The following RIMS2 variants were observed in gnomAD, a reference collection of about 807,000 sequenced individuals.
RIMS2 encodes regulating synaptic membrane exocytosis protein 2.
Under a neutral mutation model 174.4 loss-of-function variants are expected in RIMS2, and 59 were observed. The ratio of observed to expected loss-of-function variants is 0.34; its 90% CI spans 0.27 to 0.42. The LOEUF (loss-of-function observed/expected upper bound fraction) is 0.42, where lower values mean the gene tolerates loss of function less well. RIMS2 is among the 10% of genes least tolerant of loss of function. The pLI is 1.00. For missense variants in RIMS2, 1,620 were observed against 1,666.3 expected, an observed-to-expected ratio of 0.97 and a Z score of 0.48; for synonymous variants, 606 against 572.5, an observed-to-expected ratio of 1.06 and a Z score of -0.84.
intron 2 of RIMS2, among the ~76,000 whole-genome samples, chr8:103,719,293 A>T (rs2097416334): frequency 6.6e-6 from 1 of 152,176 alleles, no homozygotes; most frequent in Admixed American, 6.5e-5. Context: ...TTCCCTTCCC[A>T]AATTTGTTTC....
At position 104,193,850 on chromosome 8, in the gene RIMS2, T is replaced by C. The variant is rs142589211; in HGVS notation, c.3335-51066T>C. 1.6e-4 allele frequency among the ~76,000 whole-genome samples: 25 copies of C among 152,342 alleles called. No individual in the cohort carries two copies. The East Asian group carries it at 4.2e-3, about 26-fold the overall frequency. ...TTATTGGGGTTTCTATCTTTATCCT[T>C]TTGGTTTTCAAATATTTCTGATATT... is the stretch of plus-strand genomic sequence containing the variant. On this transcript the variant is annotated intron_variant, in intron 19 of 23. Coordinates refer to ENST00000504942, the Ensembl canonical transcript of RIMS2.
intron 3 of RIMS2, among the ~76,000 whole-genome samples, chr8:103,776,123 A>G (rs1352346220): frequency 6.6e-6 from 1 of 152,148 alleles, no homozygotes; most frequent in African/African-American, 2.4e-5. Flanking sequence ...TTGTACTTAC[A>G]TACTGCTGCT....
intron 19 of RIMS2, among the ~76,000 whole-genome samples, chr8:104,025,874 A>G (rs968387832): frequency 6.6e-6 from 1 of 152,182 alleles, no homozygotes; most frequent in African/African-American, 2.4e-5. Context: ...ATTGTGTTGT[A>G]ATTGCCTGCA....
At chr8:104,001,303 G>T (rs545618809) in intron 17 of RIMS2, among the ~76,000 whole-genome samples, 1 of 151,954 alleles carries the variant, frequency 6.6e-6, no homozygotes, top group Admixed American at 6.6e-5. Context: ...ACCCAAATTT[G>T]ATCATTACAT....
intron 3 of RIMS2, among the ~76,000 whole-genome samples, chr8:103,783,311 G>A (rs1462418381): frequency 3.4e-5 from 5 of 145,498 alleles, no homozygotes; most frequent in African/African-American, 5.1e-5. Flanking sequence ...GGGTACATGT[G>A]CACATTGTGC....
chr8:104,223,266 C>G (rs1188290481), intron 19 of RIMS2: 7 of 648,758 alleles, frequency 1.1e-5, no homozygotes, highest in Non-Finnish European at 1.4e-5. Flanking sequence ...CGCCACCTCC[C>G]CCTCCGGCCG....
At position 103,686,233 on chromosome 8, in the gene RIMS2, A is replaced by C. The variant is rs553957180; in HGVS notation, c.177-10853A>C. ...TTGTTACAAGAGGTTTTTTCTTTCT[A>C]GTTTCTTTGAGATTTTATACAAAGA... On this transcript the variant is annotated intron_variant, in intron 1 of 23. Coordinates refer to ENST00000504942, the Ensembl canonical transcript of RIMS2. Among the ~76,000 whole-genome samples, 7 of 152,074 alleles carry C rather than the reference A, an allele frequency of 4.6e-5. 1 individual carries two copies. The South Asian group carries it at 1.5e-3, about 32-fold the overall frequency.
intron 3 of RIMS2, among the ~76,000 whole-genome samples, chr8:103,873,720 C>G (rs1043785763): frequency 5.9e-5 from 9 of 151,974 alleles, no homozygotes; most frequent in African/African-American, 2.2e-4. Flanking sequence ...CATTAAGTGA[C>G]TATTTTTGCT....
At chr8:103,916,584 TA>T in intron 8 of RIMS2, 47 bp downstream of exon 11, 1 of 1,459,852 alleles carries the variant, frequency 6.9e-7, no homozygotes, top group Non-Finnish European at 9.3e-7. Context: ...TGAATAGTGT[TA>T]AACAATATGT....
chr8:104,253,928 A>G (rs961618763), downstream of RIMS2: 1 of 152,202 alleles, frequency 6.6e-6, no homozygotes, highest in Non-Finnish European at 1.5e-5. Flanking sequence ...GTGTCTTGAC[A>G]TTCTGATGGA....
chr8:103,758,380 T>C (rs775981208), intron 2 of RIMS2, among the ~76,000 whole-genome samples: 13 of 152,194 alleles, frequency 8.5e-5, no homozygotes, highest in Admixed American at 3.9e-4. Context: ...AATTCATATA[T>C]ACAAACCAAG....
At chr8:103,967,183 T>C (rs868096358) in intron 15 of RIMS2, among the ~76,000 whole-genome samples, 2 of 128,430 alleles carry the variant, frequency 1.6e-5, no homozygotes, top group African/African-American at 6.3e-5. Context: ...TTTTTTTTTT[T>C]TTTTTTTTTT....
intron 19 of RIMS2, among the ~76,000 whole-genome samples, chr8:104,118,453 A>AACCG (rs1566517940): frequency 2.0e-5 from 3 of 147,992 alleles, no homozygotes; most frequent in African/African-American, 7.5e-5. Flanking sequence ...TGCAGCCTCC[A>AACCG]TCTCCCAGGT....
At position 103,996,953 on chromosome 8, in the gene RIMS2, A is replaced by G. The variant is rs191406946; in HGVS notation, c.3044+7532A>G. ...TTCAGAAACCAAAAAAGGAGAGAGT[A>G]TTAAAAAATAGAGGTTTGAAAATCA... is the stretch of plus-strand genomic sequence containing the variant. On this transcript the variant is annotated intron_variant, in intron 17 of 23. Transcript: ENST00000504942. Among the ~76,000 whole-genome samples, 14 of 151,994 alleles carry G rather than the reference A, an allele frequency of 9.2e-5. No homozygotes were observed. The East Asian group carries it at 2.3e-3, about 25-fold the overall frequency.
intron 19 of RIMS2, among the ~76,000 whole-genome samples, chr8:104,142,870 C>T (rs1224752756): frequency 4.6e-5 from 7 of 152,088 alleles, no homozygotes; most frequent in African/African-American, 1.2e-4. Flanking sequence ...TACATTCAAG[C>T]GTATTAACAT....
intron 19 of RIMS2, among the ~76,000 whole-genome samples, chr8:104,029,675 A>AT (rs1301779939): frequency 6.6e-6 from 1 of 152,040 alleles, no homozygotes; most frequent in Non-Finnish European, 1.5e-5. Context: ...TAGGCTGACT[A>AT]TTTTTAAAAC....
chr8:103,971,848 G>A (rs1477281820), intron 15 of RIMS2, among the ~76,000 whole-genome samples: 1 of 152,150 alleles, frequency 6.6e-6, no homozygotes, highest in Non-Finnish European at 1.5e-5. Context: ...TGGGATTAGA[G>A]GTATGAGCCA....
intron 19 of RIMS2, among the ~76,000 whole-genome samples, chr8:104,165,305 T>C (rs191111709): frequency 6.6e-6 from 1 of 152,324 alleles, no homozygotes; most frequent in East Asian, 1.9e-4. Context: ...TTATCCAATC[T>C]CAATCACAAT....
At chr8:104,074,606 TAAG>T (rs2097256780) in intron 19 of RIMS2, among the ~76,000 whole-genome samples, 1 of 152,058 alleles carries the variant, frequency 6.6e-6, no homozygotes, top group South Asian at 2.1e-4. Context: ...TACTCTCAAA[TAAG>T]GAGATTCAAG....
Sources: allele counts gnomAD v4.1 joint callset (sites outside exome capture counted in the v4.1 genomes callset), GRCh38; gene constraint gnomAD v4.1.1; transcripts MANE v1.5; gene names NCBI Gene and HGNC (gene_info 2026-07-23, HGNC 2026-07-21).